KIAA0930: variants seen among roughly 807,000 people sequenced by gnomAD.
The protein encoded by KIAA0930 is KIAA0930.
KIAA0930 carries 24 observed loss-of-function variants against 43.9 expected under a neutral mutation model. The ratio of observed to expected loss-of-function variants is 0.55; its 90% CI spans 0.40 to 0.77. KIAA0930 has a LOEUF of 0.77. KIAA0930 is among the 30% of genes least tolerant of loss of function. The pLI is 0.00. For synonymous variants in KIAA0930, 259 were observed against 216.4 expected (o/e 1.20, Z -1.73); for missense variants, 461 against 574.2 (o/e 0.80, Z 2.02).
chr22:45,240,615 G>A (rs2083911021), intron 1 of KIAA0930, 25 bp downstream of exon 1: 1 of 1,508,534 alleles, frequency 6.6e-7, no homozygotes, highest in South Asian at 1.2e-5. Flanking sequence ...CTCCCGGCCC[G>A]GCCTCGCCCC....
Position 45,193,390 on chromosome 22 carries a change from G to A in KIAA0930, c.*3786C>T, listed in dbSNP as rs2083507364. 6.6e-6 allele frequency: 1 copy of A among 152,076 alleles called. No individual in the cohort carries two copies. The highest frequency in any genetic ancestry group is 2.4e-5 in the African/African-American group (1 of 41,380). 9.4% of individuals were successfully genotyped at this position (152,076 alleles called of 1,614,324 possible). A position where few individuals can be genotyped will look rare whatever the true frequency, so the allele number is the denominator to read the frequency against. ...GTCCAGGCAGTCATTAGAATATACTGGCTGCACAGGGCCTTTCCTCTGGGA... is the reference window on the plus strand; with the variant it reads ...GTCCAGGCAGTCATTAGAATATACTAGCTGCACAGGGCCTTTCCTCTGGGA... On this transcript the variant is annotated 3_prime_UTR_variant, in exon 10 of 10. Transcript: ENST00000336156.
chr22:45,230,447 T>C (rs900953823), intron 1 of KIAA0930, among the ~76,000 whole-genome samples: 1 of 152,180 alleles, frequency 6.6e-6, no homozygotes, highest in African/African-American at 2.4e-5. Context: ...GAGACCCTCA[T>C]GTGAAAGGCA....
At chr22:45,200,091 T>TC (rs2083574108) in intron 7 of KIAA0930, 56 bp from the exon 8 acceptor site, 1 of 1,498,084 alleles carries the variant, frequency 6.7e-7, no homozygotes, top group African/African-American at 1.4e-5. Flanking sequence ...TCCCCGGGGG[T>TC]CCCAACGCCC....
At chr22:45,224,490 G>A (rs925764499) in intron 1 of KIAA0930, among the ~76,000 whole-genome samples, 2 of 152,144 alleles carry the variant, frequency 1.3e-5, no homozygotes, top group African/African-American at 2.4e-5. Flanking sequence ...ACGAGGACAT[G>A]GCAGGAGGGA....
At chr22:45,201,226 C>T (rs1048492049) in intron 7 of KIAA0930, among the ~76,000 whole-genome samples, 4 of 152,354 alleles carry the variant, frequency 2.6e-5, no homozygotes, top group Admixed American at 2.6e-4. Context: ...ATGTGTCACG[C>T]ACTGGCTCCA....
chr22:45,203,234 A>G, intron 6 of KIAA0930, 50 bp from the exon 7 acceptor site: 3 of 1,527,766 alleles, frequency 2.0e-6, no homozygotes, highest in Middle Eastern at 1.8e-4. Flanking sequence ...CGATGGCTCC[A>G]TGGGGCCCCT....
intron 1 of KIAA0930, among the ~76,000 whole-genome samples, chr22:45,215,543 A>C (rs796204041): frequency 3.5e-4 from 53 of 152,358 alleles, no homozygotes; most frequent in African/African-American, 1.2e-3. Flanking sequence ...GAAAGGACAC[A>C]ATATCCTGCC....
intron 2 of KIAA0930, chr22:45,211,371 C>T (rs947940485): frequency 2.5e-6 from 1 of 398,722 alleles, no homozygotes; most frequent in Non-Finnish European, 4.4e-6. Flanking sequence ...TCCCACACTG[C>T]GATTTAGTGG....
At position 45,203,831 on chromosome 22, in the gene KIAA0930, C is replaced by T. The variant is rs186570249; in HGVS notation, c.657+14G>A. ...GGGCCCAGAAGAACACCCGTGAGGC[C>T]GCCCCGCACTCACCCGGTTGTCATA... On this transcript the variant is annotated intron_variant, in intron 6 of 9. Coordinates refer to ENST00000336156, the MANE Select transcript of KIAA0930 (RefSeq NM_001009880.2). 307 of 1,612,896 alleles carry T rather than the reference C, an allele frequency of 1.9e-4. 1 individual carries two copies. In the East Asian group the frequency reaches 4.8e-3, roughly 25 times the overall value.
intron 1 of KIAA0930, among the ~76,000 whole-genome samples, chr22:45,215,759 G>A (rs995507435): frequency 5.9e-5 from 9 of 152,232 alleles, no homozygotes; most frequent in African/African-American, 1.4e-4. Context: ...GTAAACAGAC[G>A]AGAACGCTAG....
intron 1 of KIAA0930, among the ~76,000 whole-genome samples, chr22:45,215,537 G>C (rs1449921204): frequency 6.6e-6 from 1 of 152,200 alleles, no homozygotes; most frequent in Non-Finnish European, 1.5e-5. Flanking sequence ...CGAAAGGAAA[G>C]GACACAATAT....
chr22:45,222,050 A>G (rs919499292), intron 1 of KIAA0930, among the ~76,000 whole-genome samples: 15 of 152,102 alleles, frequency 9.9e-5, no homozygotes, highest in African/African-American at 3.4e-4. Flanking sequence ...TTTTATGAAG[A>G]CAGCACTTGA....
chr22:45,205,998 G>A (rs2083634933), intron 2 of KIAA0930, 86 bp from the exon 3 acceptor site: 1 of 1,553,410 alleles, frequency 6.4e-7, no homozygotes, highest in African/African-American at 1.4e-5. Context: ...CATTACGATG[G>A]ACAAGGACTC....
intron 1 of KIAA0930, chr22:45,226,458 C>G (rs1449764266): frequency 2.5e-6 from 1 of 399,424 alleles, no homozygotes; most frequent in Admixed American, 3.1e-5. Flanking sequence ...TGGATTGGGG[C>G]TCCCATAAAG....
intron 2 of KIAA0930, among the ~76,000 whole-genome samples, chr22:45,206,525 C>T (rs769704630): frequency 1.1e-4 from 16 of 152,180 alleles, no homozygotes; most frequent in Non-Finnish European, 2.1e-4. Flanking sequence ...TAGTGGACGG[C>T]GGGGTCTGGG....
intron 2 of KIAA0930, among the ~76,000 whole-genome samples, chr22:45,209,360 G>GC (rs1045348092): frequency 1.3e-5 from 2 of 152,092 alleles, no homozygotes. Context: ...CCTCCAGCCT[G>GC]CCCCCTGCAG....
At chr22:45,222,147 C>G (rs953371519) in intron 1 of KIAA0930, among the ~76,000 whole-genome samples, 9 of 152,022 alleles carry the variant, frequency 5.9e-5, no homozygotes, top group Non-Finnish European at 8.8e-5. Flanking sequence ...GGTCCCTGCT[C>G]AAGCCAAAAT....
intron 3 of KIAA0930, 22 bp from the exon 4 acceptor site, chr22:45,205,729 C>A (rs759292380): frequency 1.2e-6 from 2 of 1,613,980 alleles, no homozygotes; most frequent in East Asian, 2.2e-5. Flanking sequence ...CACGGGTCAG[C>A]GTGCAGGGAG....
chr22:45,195,372 G>GGAA lies in KIAA0930; in HGVS notation c.*1801_*1803dup, dbSNP rs1333975809. On this transcript the variant is annotated 3_prime_UTR_variant, in exon 10 of 10. Coordinates refer to ENST00000336156, the MANE Select transcript of KIAA0930 (RefSeq NM_001009880.2). ...TCCCAAGATCCCCAGAACAACCAGG[G>GGAA]GAAGAGTTCCTGAAGAAATGGGTGT... The GGAA allele has an allele frequency of 6.6e-6, 1 of 152,304 alleles. No homozygotes were observed. Among genetic ancestry groups the GGAA allele is most frequent in the African/African-American group, 2.4e-5 (1 of 41,464 alleles). The allele number at this position is 152,304 out of a possible 1,614,324, so 9.4% of individuals were successfully genotyped here. A position where few individuals can be genotyped will look rare whatever the true frequency, so the allele number is the denominator to read the frequency against.
Sources: gnomAD v4.1 joint callset for allele counts (sites outside exome capture counted in the v4.1 genomes callset) on GRCh38, gnomAD v4.1.1 for gene constraint, MANE v1.5 for transcripts, NCBI Gene and HGNC (gene_info 2026-07-23, HGNC 2026-07-21) for gene names.